STIM2: variants seen among roughly 807,000 people sequenced by gnomAD.
STIM2 encodes the protein stromal interaction molecule 2.
Under a neutral mutation model 85.8 loss-of-function variants are expected in STIM2, and 31 were observed. The ratio of observed to expected loss-of-function variants is 0.36; its 90% CI spans 0.27 to 0.49. STIM2 has a LOEUF of 0.49. STIM2 is among the 20% of genes least tolerant of loss of function. The probability of loss-of-function intolerance (pLI) is 0.98; values close to 1 mark genes in which losing one functional copy is unlikely to be tolerated. For missense variants in STIM2, 841 were observed against 927.6 expected (o/e 0.91, Z 1.21); for synonymous variants, 356 against 331.1 (o/e 1.08, Z -0.82).
At chr4:26,912,251 C>T (rs906072953) in intron 1 of STIM2, among the ~76,000 whole-genome samples, 3 of 152,094 alleles carry the variant, frequency 2.0e-5, no homozygotes, top group Non-Finnish European at 2.9e-5. Flanking sequence ...AAGTTCTCGG[C>T]GGCATATGCT....
intron 1 of STIM2, among the ~76,000 whole-genome samples, chr4:26,912,003 G>A (rs1724361911): frequency 6.6e-6 from 1 of 152,142 alleles, no homozygotes; most frequent in Admixed American, 6.5e-5. Flanking sequence ...TTCCTTTTGA[G>A]TTTGAATCAG....
intron 1 of STIM2, among the ~76,000 whole-genome samples, chr4:26,889,087 C>G (rs1218683570): frequency 2.0e-5 from 3 of 152,136 alleles, no homozygotes; most frequent in African/African-American, 4.8e-5. Context: ...GAATAGGCAA[C>G]AAAAATTTCG....
At position 27,007,596 on chromosome 4, in the gene STIM2, G is replaced by C; in HGVS notation, c.1045G>C (p.Asp349His). 1 of 1,608,084 alleles carries C rather than the reference G, an allele frequency of 6.2e-7. No homozygotes were observed. ...ACTGAGAAGCAGTTGGTCTGTTCCA[G>C]ATGCACTTCAGAAATGGCTTCAGTT... The change falls in exon 8 of 12, where the codon GAT (aspartate) becomes CAT (histidine). Residue 349 changes from aspartate (D) to histidine (H), a missense_variant. This residue lies in a region of STIM2 where 408 missense variants were observed against 525.4 expected (regional missense o/e 0.78). Coordinates refer to ENST00000467087, the MANE Select transcript of STIM2 (RefSeq NM_020860.4).
At chr4:26,876,938 A>G (rs1376568511) in intron 1 of STIM2, among the ~76,000 whole-genome samples, 1 of 152,044 alleles carries the variant, frequency 6.6e-6, no homozygotes, top group African/African-American at 2.4e-5. Context: ...TTCAAGCTGT[A>G]TTTTTTTGTA....
intron 2 of STIM2, among the ~76,000 whole-genome samples, chr4:26,940,188 T>C (rs969438988): frequency 4.6e-5 from 7 of 152,298 alleles, no homozygotes; most frequent in Non-Finnish European, 7.4e-5. Context: ...TTAATGTTGT[T>C]GAGGATAGGA....
intron 1 of STIM2, chr4:26,874,011 C>T: frequency 1.3e-6 from 1 of 782,820 alleles, no homozygotes; most frequent in Non-Finnish European, 2.3e-6. Flanking sequence ...CTGGCCTTCA[C>T]CTGAGTCTCC....
chr4:27,019,682 ATTTTT>A, intron 11 of STIM2: 1 of 325,998 alleles, frequency 3.1e-6, no homozygotes, highest in Non-Finnish European at 6.0e-6. Flanking sequence ...ATATTTACTG[ATTTTT>A]TTTTTTTATG....
chr4:26,948,278 G>A (rs938181601), intron 2 of STIM2, among the ~76,000 whole-genome samples: 1 of 152,094 alleles, frequency 6.6e-6, no homozygotes, highest in African/African-American at 2.4e-5. Flanking sequence ...GTGTTCCAAC[G>A]AAAGTGCTGA....
In STIM2 at chr4:27,008,487, C is replaced by T; in HGVS notation, c.1209C>T (p.Ser403=). 6.2e-7 allele frequency: 1 copy of T among 1,604,286 alleles called. No individual in the cohort carries two copies. Among genetic ancestry groups the T allele is most frequent in the Non-Finnish European group, 8.5e-7 (1 of 1,175,920 alleles). Residue 403 remains serine (S), a synonymous_variant, in exon 9 of 12, where the codon AGC becomes AGT. Coordinates refer to ENST00000467087, the MANE Select transcript of STIM2 (RefSeq NM_020860.4). ...TTGGGACTCTGCACGTTGCACACAG[C>T]TCCTCCCTAGATGAGGTAGACCACA...
At chr4:26,915,200 A>C (rs1368731582) in intron 1 of STIM2, among the ~76,000 whole-genome samples, 1 of 152,066 alleles carries the variant, frequency 6.6e-6, no homozygotes, top group Non-Finnish European at 1.5e-5. Context: ...GGTTTCTAGA[A>C]TGTAGTGGAT....
At chr4:26,990,543 G>A (rs1444039823) in intron 3 of STIM2, among the ~76,000 whole-genome samples, 3 of 152,052 alleles carry the variant, frequency 2.0e-5, no homozygotes, top group African/African-American at 7.2e-5. Context: ...AAGCTTTTTG[G>A]GTTAAGACCT....
Position 26,873,811 on chromosome 4 carries a change from G to A in STIM2, c.151+12442G>A, listed in dbSNP as rs1006060233. ...TGTCAAGGGGTAAGGGGCTCTACAAGGCAGACTCCCGCCTCAACCGCCGTA... is the reference window on the plus strand; with the variant it reads ...TGTCAAGGGGTAAGGGGCTCTACAAAGCAGACTCCCGCCTCAACCGCCGTA... On this transcript the variant is annotated intron_variant, in intron 1 of 11. Transcript: ENST00000467087. 4.6e-6 allele frequency: 4 copies of A among 867,572 alleles called. No homozygotes were observed. The African/African-American group carries it at 6.6e-5, about 14-fold the overall frequency. The allele number at this position is 867,572 out of a possible 1,614,324, so 53.7% of individuals were successfully genotyped here.
At chr4:26,892,657 A>G (rs1030936637) in intron 1 of STIM2, among the ~76,000 whole-genome samples, 14 of 152,166 alleles carry the variant, frequency 9.2e-5, no homozygotes, top group South Asian at 4.1e-4. Context: ...ACTAGGTCCA[A>G]TTAGCATAAG....
At chr4:26,930,816 A>T (rs1332615573) in intron 2 of STIM2, among the ~76,000 whole-genome samples, 2 of 152,212 alleles carry the variant, frequency 1.3e-5, no homozygotes, top group Admixed American at 6.5e-5. Flanking sequence ...TCTAAGGTTA[A>T]CTTTTAACTT....
At chr4:26,871,241 G>T (rs1281693284) in intron 1 of STIM2, among the ~76,000 whole-genome samples, 1 of 152,112 alleles carries the variant, frequency 6.6e-6, no homozygotes, top group Non-Finnish European at 1.5e-5. Flanking sequence ...ACATATAACA[G>T]AAATTTAGGA....
Position 27,017,936 on chromosome 4 carries a change from G to A in STIM2, c.1715G>A (p.Arg572Gln), listed in dbSNP as rs763776616. The A allele has an allele frequency of 5.6e-6, 9 of 1,614,020 alleles. No homozygotes were observed. Among genetic ancestry groups the A allele is most frequent in the South Asian group, 1.1e-5 (1 of 91,076 alleles). The change falls in exon 11 of 12, where the codon CGA becomes CAA. Residue 572 changes from arginine to glutamine, a missense_variant. Arg to Gln is a conservative substitution (Grantham distance 43, BLOSUM62 1). This residue lies in a region of STIM2 where 293 missense variants were observed against 284.5 expected (regional missense o/e 1.03). Transcript: ENST00000467087. ...GTGTCAAGTTGCCCTGCGCTTTATC[G>A]AAATGAAGAGGAGGAAGAGGCCATT...
Position 26,923,274 on chromosome 4 carries a change from GA to G in STIM2, c.282+3646del, listed in dbSNP as rs1386302119. On this transcript the variant is annotated intron_variant, in intron 2 of 11. Transcript: ENST00000467087. ...AAGTAGATAAAACCACAAAGATGGG[GA>G]AAAAACAGAACAGAAAAACTGGAAA... is the stretch of plus-strand genomic sequence containing the variant. Among the ~76,000 whole-genome samples the G allele has an allele frequency of 6.6e-5, 10 of 151,226 alleles. No individual in the cohort carries two copies. In the East Asian group the frequency reaches 1.9e-3, roughly 29 times the overall value.
At chr4:26,878,171 T>G (rs944545311) in intron 1 of STIM2, among the ~76,000 whole-genome samples, 9 of 152,340 alleles carry the variant, frequency 5.9e-5, no homozygotes, top group Middle Eastern at 3.4e-3. Flanking sequence ...CTTTTTTATA[T>G]GTGCTAGGTT....
intron 1 of STIM2, among the ~76,000 whole-genome samples, chr4:26,868,436 A>G (rs1284892482): frequency 4.6e-5 from 7 of 152,058 alleles, no homozygotes; most frequent in African/African-American, 1.7e-4. Flanking sequence ...GTTTTGTTTA[A>G]TTAAGTGCTG....
Sources: allele counts gnomAD v4.1 joint callset (sites outside exome capture counted in the v4.1 genomes callset), GRCh38; gene constraint gnomAD v4.1.1; regional missense constraint gnomAD v4.1.1; transcripts MANE v1.5; gene names NCBI Gene and HGNC (gene_info 2026-07-23, HGNC 2026-07-21).